The following CHRNB3 variants were observed in gnomAD, a reference collection of about 807,000 sequenced individuals.
CHRNB3 encodes the protein neuronal acetylcholine receptor subunit beta-3.
CHRNB3 carries 37 observed loss-of-function variants against 40.6 expected under a neutral mutation model. That is an observed-to-expected ratio of 0.91 (90% confidence interval 0.70 to 1.20). The LOEUF is 1.20. Among genes scored for constraint, CHRNB3 ranks in the 50% most tolerant of loss-of-function variants. CHRNB3 has a pLI of 0.00. For synonymous variants in CHRNB3, 207 were observed against 207.1 expected (o/e 1.00, Z 0.00); for missense variants, 505 against 551.2 (o/e 0.92, Z 0.84).
chr8:42,726,045 G>T, intron 3 of CHRNB3: 2 of 953,096 alleles, frequency 2.1e-6, no homozygotes, highest in Non-Finnish European at 1.7e-6. Flanking sequence ...TCACGTTTCT[G>T]TCACCAGGAA....
chr8:42,731,392 A>G (rs1816415417), intron 4 of CHRNB3, among the ~76,000 whole-genome samples: 1 of 151,980 alleles, frequency 6.6e-6, no homozygotes, highest in African/African-American at 2.4e-5. Flanking sequence ...TGTCTCTACT[A>G]AAAATACAAA....
chr8:42,708,035 G>C (rs939597970), intron 1 of CHRNB3, among the ~76,000 whole-genome samples: 12 of 152,198 alleles, frequency 7.9e-5, no homozygotes, highest in African/African-American at 2.9e-4. Context: ...CTTGGGGACA[G>C]GGCCCATCTC....
intron 4 of CHRNB3, among the ~76,000 whole-genome samples, chr8:42,731,303 C>G (rs1425137952): frequency 6.6e-6 from 1 of 152,204 alleles, no homozygotes; most frequent in Non-Finnish European, 1.5e-5. Flanking sequence ...TGCCTGTAAT[C>G]CCAGCACTTT....
intron 3 of CHRNB3, chr8:42,725,857 G>T: frequency 1.2e-6 from 1 of 812,520 alleles, no homozygotes; most frequent in South Asian, 1.3e-5. Flanking sequence ...TAGGTTCTGG[G>T]GGGTGACTTT....
At chr8:42,712,690 G>A (rs1432280739) in intron 3 of CHRNB3, among the ~76,000 whole-genome samples, 1 of 152,104 alleles carries the variant, frequency 6.6e-6, no homozygotes, top group Non-Finnish European at 1.5e-5. Context: ...TGAGAATTGG[G>A]AAGTATTTTG....
chr8:42,722,617 A>G (rs953696266), intron 3 of CHRNB3, among the ~76,000 whole-genome samples: 1 of 152,178 alleles, frequency 6.6e-6, no homozygotes, highest in African/African-American at 2.4e-5. Flanking sequence ...GCTGGAATGC[A>G]GTGGTGCAAT....
intron 3 of CHRNB3, among the ~76,000 whole-genome samples, chr8:42,720,090 C>T (rs1318567363): frequency 6.6e-6 from 1 of 150,560 alleles, no homozygotes; most frequent in African/African-American, 2.5e-5. Context: ...CCCACGCAAC[C>T]CTGCCCCACT....
intron 3 of CHRNB3, among the ~76,000 whole-genome samples, chr8:42,718,672 CAAAAAAAAAAAA>C (rs59911208): frequency 1.2e-5 from 1 of 82,744 alleles, no homozygotes; most frequent in African/African-American, 5.0e-5. Context: ...GACTCTGTCT[CAAAAAAAAAAAA>C]AAAAAAAAAA....
chr8:42,714,254 G>C (rs563690305), intron 3 of CHRNB3, among the ~76,000 whole-genome samples: 3 of 152,192 alleles, frequency 2.0e-5, no homozygotes, highest in African/African-American at 7.2e-5. Context: ...CCAGCACTTT[G>C]GGAGGCTGAG....
At chr8:42,735,497 C>T (rs1157574206) in intron 5 of CHRNB3, among the ~76,000 whole-genome samples, 2 of 152,168 alleles carry the variant, frequency 1.3e-5, no homozygotes, top group African/African-American at 2.4e-5. Context: ...AAGATTGCAC[C>T]ACTGCAGCCT....
intron 3 of CHRNB3, among the ~76,000 whole-genome samples, chr8:42,729,906 A>G (rs949842097): frequency 6.6e-6 from 1 of 151,786 alleles, no homozygotes; most frequent in African/African-American, 2.4e-5. Context: ...ATTTATCTGG[A>G]TTCATCAGCC....
intron 2 of CHRNB3, 142 bp downstream of exon 2, chr8:42,709,010 C>A: frequency 1.1e-6 from 1 of 889,504 alleles, no homozygotes; most frequent in Non-Finnish European, 1.6e-6. Context: ...CCCAAGAAGC[C>A]ACTAAAATGA....
At chr8:42,726,152 A>T in intron 3 of CHRNB3, 1 of 1,367,324 alleles carries the variant, frequency 7.3e-7, no homozygotes, top group Non-Finnish European at 1.0e-6. Flanking sequence ...GGTGGCTTTG[A>T]GGGCTTGATA....
At chr8:42,698,078 T>C (rs1012173848) in intron 1 of CHRNB3, among the ~76,000 whole-genome samples, 1 of 152,206 alleles carries the variant, frequency 6.6e-6, no homozygotes, top group Non-Finnish European at 1.5e-5. Flanking sequence ...TTAGCATGTT[T>C]ATATATCACA....
At chr8:42,703,851 T>C (rs2128904542) in intron 1 of CHRNB3, among the ~76,000 whole-genome samples, 1 of 152,290 alleles carries the variant, frequency 6.6e-6, no homozygotes, top group South Asian at 2.1e-4. Context: ...TAATGTTCTA[T>C]TTCACAAGAA....
chr8:42,708,483 A>ACACACACG (rs1469971025), intron 1 of CHRNB3, among the ~76,000 whole-genome samples: 12 of 151,694 alleles, frequency 7.9e-5, no homozygotes, highest in Non-Finnish European at 1.5e-5. Flanking sequence ...ATACACACAC[A>ACACACACG]CACACACACA....
At chr8:42,727,946 T>C (rs1228936328) in intron 3 of CHRNB3, among the ~76,000 whole-genome samples, 1 of 152,148 alleles carries the variant, frequency 6.6e-6, no homozygotes, top group Non-Finnish European at 1.5e-5. Flanking sequence ...AGCAAAGATT[T>C]CTTAGATATG....
chr8:42,733,756 C>A (rs548146802), intron 5 of CHRNB3, among the ~76,000 whole-genome samples: 1 of 151,442 alleles, frequency 6.6e-6, no homozygotes, highest in East Asian at 2.0e-4. Context: ...CCACACCTGG[C>A]TAATTTTTCT....
At chr8:42,708,427 A>G (rs974967182) in intron 1 of CHRNB3, among the ~76,000 whole-genome samples, 12 of 151,808 alleles carry the variant, frequency 7.9e-5, no homozygotes, top group African/African-American at 2.4e-5. Context: ...GATCGCGCCA[A>G]TGCACTCCAG....
Sources: allele counts gnomAD v4.1 joint callset (sites outside exome capture counted in the v4.1 genomes callset), GRCh38; gene constraint gnomAD v4.1.1; transcripts MANE v1.5; gene names NCBI Gene and HGNC (gene_info 2026-07-23, HGNC 2026-07-21).